The following RAB3C variants were observed in gnomAD, a reference collection of about 807,000 sequenced individuals.
RAB3C encodes the protein RAB3C, member RAS oncogene family, also known as ras-related protein Rab-3C.
In RAB3C, 17 loss-of-function variants were observed where a neutral mutation model predicts 26.4. The observed-to-expected ratio is 0.64, with a 90% confidence interval of 0.44 to 0.97. The LOEUF is 0.97. Among genes scored for constraint, RAB3C ranks in the 50% least tolerant of loss-of-function variants. The pLI is 0.00. For missense variants in RAB3C, 242 were observed against 281.9 expected, an observed-to-expected ratio of 0.86 and a Z score of 1.01; for synonymous variants, 91 against 95.9, an observed-to-expected ratio of 0.95 and a Z score of 0.30.
chr5:58,699,514 A>G (rs538290233), intron 2 of RAB3C, among the ~76,000 whole-genome samples: 13 of 152,264 alleles, frequency 8.5e-5, no homozygotes, highest in African/African-American at 2.9e-4. Context: ...TCAGACAGGG[A>G]AGTTTATGTC....
chr5:58,852,849 T>C lies in RAB3C; in HGVS notation c.*1498T>C, dbSNP rs1319738901. ...GAACTTTCTACTTTTTTGGTGGTTA[T>C]GTCAAAGAATTTTTTTCCTCTTCTC... On this transcript the variant is annotated 3_prime_UTR_variant, in exon 5 of 5. Coordinates refer to ENST00000282878, the MANE Select transcript of RAB3C (RefSeq NM_138453.4). The C allele has an allele frequency of 6.9e-6, 1 of 145,738 alleles. No homozygotes were observed. Among genetic ancestry groups the C allele is most frequent in the East Asian group, 2.0e-4 (1 of 5,054 alleles). 9.0% of individuals were successfully genotyped at this position (145,738 alleles called of 1,614,324 possible).
chr5:58,592,904 C>T (rs1281672405), intron 1 of RAB3C, among the ~76,000 whole-genome samples: 2 of 151,974 alleles, frequency 1.3e-5, no homozygotes, highest in Non-Finnish European at 2.9e-5. Flanking sequence ...TATATTTAGT[C>T]AGATTGGCGA....
At chr5:58,844,212 T>C (rs1226447616) in intron 4 of RAB3C, among the ~76,000 whole-genome samples, 1 of 152,226 alleles carries the variant, frequency 6.6e-6, no homozygotes, top group Non-Finnish European at 1.5e-5. Flanking sequence ...TTAACCTTTG[T>C]ACATCCCTAA....
intron 2 of RAB3C, among the ~76,000 whole-genome samples, chr5:58,630,997 C>G (rs1467233570): frequency 6.6e-6 from 1 of 152,158 alleles, no homozygotes; most frequent in Non-Finnish European, 1.5e-5. Context: ...GTCTGAGGCT[C>G]AGGACGAAGA....
At chr5:58,594,093 T>G (rs75165345) in intron 1 of RAB3C, among the ~76,000 whole-genome samples, 4,960 of 152,254 alleles carry the variant, frequency 0.033, 247 homozygotes, top group African/African-American at 0.11. Context: ...CTGCCACTTG[T>G]TTAACTCTAG....
chr5:58,783,435 A>C (rs452180), intron 3 of RAB3C, among the ~76,000 whole-genome samples: 119,209 of 152,058 alleles, frequency 0.78, 46,882 homozygotes, highest in African/African-American at 0.83. Context: ...TTCCTCTGTA[A>C]CTGGTAAACC....
rs1744177772 is a variant in RAB3C at position 58,854,061 on chromosome 5, A to ACT, written c.*2711_*2712insTC. 6.6e-6 allele frequency: 1 copy of ACT among 151,700 alleles called. No individual in the cohort carries two copies. The highest frequency in any genetic ancestry group is 2.4e-5 in the African/African-American group (1 of 41,210). 9.4% of individuals were successfully genotyped at this position (151,700 alleles called of 1,614,324 possible). A position where few individuals can be genotyped will look rare whatever the true frequency, so the allele number is the denominator to read the frequency against. On this transcript the variant is annotated 3_prime_UTR_variant, in exon 5 of 5. Coordinates refer to ENST00000282878, the MANE Select transcript of RAB3C (RefSeq NM_138453.4). ...AACACACACACACACACACACACAC[A>ACT]CACACACACACACTATACCATCATC...
At chr5:58,783,275 T>G (rs2112004652) in intron 3 of RAB3C, among the ~76,000 whole-genome samples, 1 of 152,306 alleles carries the variant, frequency 6.6e-6, no homozygotes, top group South Asian at 2.1e-4. Flanking sequence ...AAAAGATATC[T>G]TTACATCAAG....
intron 2 of RAB3C, 61 bp downstream of exon 2, chr5:58,617,931 A>T: frequency 9.4e-7 from 1 of 1,063,556 alleles, no homozygotes; most frequent in Non-Finnish European, 1.4e-6. Context: ...TCCATTTGTA[A>T]GGGAGAAACT....
intron 3 of RAB3C, among the ~76,000 whole-genome samples, chr5:58,768,938 G>A (rs950831674): frequency 3.9e-5 from 6 of 152,064 alleles, no homozygotes; most frequent in African/African-American, 1.4e-4. Context: ...AAGAAAAGCT[G>A]GAAACCAACT....
In RAB3C at chr5:58,858,862, AT is replaced by A. The variant is rs1744322145; in HGVS notation, c.*7513del. On this transcript the variant is annotated 3_prime_UTR_variant, in exon 5 of 5. Transcript: ENST00000282878. ...CTCAAGACTCAGCCACAATATGCAAATTGCTTTAATGCCATATTACGGCAGT... is the reference window on the plus strand; with the variant it reads ...CTCAAGACTCAGCCACAATATGCAAATGCTTTAATGCCATATTACGGCAGT... The A allele has an allele frequency of 6.6e-6, 1 of 152,158 alleles. No individual in the cohort carries two copies. The highest frequency in any genetic ancestry group is 1.5e-5 in the Non-Finnish European group (1 of 68,014). 9.4% of individuals were successfully genotyped at this position (152,158 alleles called of 1,614,324 possible).
At chr5:58,693,346 A>ATATATATATATATG (rs1748616859) in intron 2 of RAB3C, among the ~76,000 whole-genome samples, 1 of 141,094 alleles carries the variant, frequency 7.1e-6, no homozygotes, top group Admixed American at 7.0e-5. Flanking sequence ...GTATATATAT[A>ATATATATATATATG]TATATATATA....
intron 3 of RAB3C, among the ~76,000 whole-genome samples, chr5:58,791,825 A>C (rs371193955): frequency 6.6e-6 from 1 of 152,226 alleles, no homozygotes; most frequent in Non-Finnish European, 1.5e-5. Flanking sequence ...CAGTATTTTC[A>C]TGAAACTCTA....
At chr5:58,691,064 C>G (rs1748560415) in intron 2 of RAB3C, among the ~76,000 whole-genome samples, 1 of 151,760 alleles carries the variant, frequency 6.6e-6, no homozygotes, top group Admixed American at 6.6e-5. Context: ...TCACCAAAAA[C>G]ACATACATTA....
chr5:58,587,416 T>C (rs973872001), intron 1 of RAB3C, among the ~76,000 whole-genome samples: 1 of 152,164 alleles, frequency 6.6e-6, no homozygotes, highest in Non-Finnish European at 1.5e-5. Flanking sequence ...ATTTTTCCCT[T>C]TCTTAAATTA....
chr5:58,652,765 CA>C (rs1747686133), intron 2 of RAB3C, among the ~76,000 whole-genome samples: 1 of 150,894 alleles, frequency 6.6e-6, no homozygotes, highest in African/African-American at 2.4e-5. Context: ...AATTCTGTGC[CA>C]GTACCTTGGC....
Position 58,851,383 on chromosome 5 carries a change from C to T in RAB3C, c.*32C>T. 6.6e-7 allele frequency: 1 copy of T among 1,524,882 alleles called. No homozygotes were observed. Among genetic ancestry groups the T allele is most frequent in the Non-Finnish European group, 8.8e-7 (1 of 1,137,258 alleles). The allele number at this position is 1,524,882 out of a possible 1,614,324, so 94.5% of individuals were successfully genotyped here. On this transcript the variant is annotated 3_prime_UTR_variant, in exon 5 of 5. Transcript: ENST00000282878. ...CGTGCACACAGGCAGCTCCAGGGGG[C>T]TCTGGTTGCCAACAAACAGCATTTG...
chr5:58,846,629 G>A (rs1330953178), intron 4 of RAB3C, among the ~76,000 whole-genome samples: 5 of 151,918 alleles, frequency 3.3e-5, no homozygotes, highest in Admixed American at 6.6e-5. Context: ...TCCTCCCACC[G>A]TGGCCTCCCA....
intron 3 of RAB3C, among the ~76,000 whole-genome samples, chr5:58,822,211 A>G (rs2112054404): frequency 6.6e-6 from 1 of 152,286 alleles, no homozygotes; most frequent in South Asian, 2.1e-4. Context: ...ACTTTTAATG[A>G]GTATCATGGA....
Sources: gnomAD v4.1 joint callset for allele counts (sites outside exome capture counted in the v4.1 genomes callset) on GRCh38, gnomAD v4.1.1 for gene constraint, MANE v1.5 for transcripts, NCBI Gene and HGNC (gene_info 2026-07-23, HGNC 2026-07-21) for gene names.